Variants in DLG2 observed in about 807,000 individuals in gnomAD.
DLG2 encodes disks large homolog 2.
Under a neutral mutation model 132.5 loss-of-function variants are expected in DLG2, and 45 were observed. The ratio of observed to expected loss-of-function variants is 0.34; its 90% confidence interval spans 0.27 to 0.44. DLG2 has a LOEUF of 0.44. DLG2 is among the 20% of genes least tolerant of loss of function. DLG2 has a pLI of 1.00. For missense variants in DLG2, 1,045 were observed against 1,196.9 expected (o/e 0.87, Z 1.87); for synonymous variants, 424 against 419.6 (o/e 1.01, Z -0.13).
intron 3 of DLG2, among the ~76,000 whole-genome samples, chr11:85,564,948 G>T (rs2077447216): frequency 6.6e-6 from 1 of 151,940 alleles, no homozygotes; most frequent in African/African-American, 2.4e-5. Context: ...CAGTGAACAG[G>T]TCTTGATTTT....
At chr11:85,238,182 C>CT (rs201353118) in intron 4 of DLG2, among the ~76,000 whole-genome samples, 2 of 148,144 alleles carry the variant, frequency 1.4e-5, no homozygotes, top group African/African-American at 4.9e-5. Flanking sequence ...ATTATCTTAA[C>CT]TTTTTTTTAT....
Position 85,279,150 on chromosome 11 carries a change from T to C in DLG2, c.186+6070A>G, listed in dbSNP as rs182905433. On this transcript the variant is annotated intron_variant, in intron 4 of 27. Transcript: ENST00000376104. ...AATAGTTAATATCCAGGTCAAGAACTAGAATATTGGAATCAAGAAGGGATC... is the reference window on the plus strand; with the variant it reads ...AATAGTTAATATCCAGGTCAAGAACCAGAATATTGGAATCAAGAAGGGATC... Among the ~76,000 whole-genome samples, 5 of 152,106 alleles carry C rather than the reference T, an allele frequency of 3.3e-5. No homozygotes were observed. In the East Asian group the frequency reaches 7.7e-4, roughly 24 times the overall value.
At chr11:84,833,465 G>T (rs2079300429) in intron 6 of DLG2, among the ~76,000 whole-genome samples, 1 of 151,562 alleles carries the variant, frequency 6.6e-6, no homozygotes, top group African/African-American at 2.4e-5. Context: ...CTTAGACAAT[G>T]CTCTAAGTAT....
chr11:84,081,603 G>A (rs2096904889), intron 10 of DLG2, among the ~76,000 whole-genome samples: 1 of 152,104 alleles, frequency 6.6e-6, no homozygotes, highest in Non-Finnish European at 1.5e-5. Flanking sequence ...GTGATAGTTT[G>A]CTCAGAAAGA....
At chr11:84,516,176 AAAG>A (rs527498320) in intron 7 of DLG2, among the ~76,000 whole-genome samples, 79 of 151,696 alleles carry the variant, frequency 5.2e-4, no homozygotes, top group African/African-American at 1.8e-3. Flanking sequence ...ATGAACAAGA[AAAG>A]AAGAAAAAAC....
intron 22 of DLG2, among the ~76,000 whole-genome samples, chr11:83,481,750 TAATC>T (rs938700015): frequency 2.6e-5 from 4 of 152,282 alleles, no homozygotes; most frequent in South Asian, 2.1e-4. Flanking sequence ...TCAAGGCACA[TAATC>T]AATAATAGTG....
intron 6 of DLG2, among the ~76,000 whole-genome samples, chr11:85,010,489 G>T (rs1395191854): frequency 6.6e-6 from 1 of 152,072 alleles, no homozygotes; most frequent in African/African-American, 2.4e-5. Flanking sequence ...ATGATTAGAA[G>T]ATACACATGT....
At chr11:84,033,841 C>T (rs1295237433) in intron 11 of DLG2, among the ~76,000 whole-genome samples, 2 of 152,094 alleles carry the variant, frequency 1.3e-5, no homozygotes, top group Non-Finnish European at 1.5e-5. Flanking sequence ...GAGTTCAAGA[C>T]CAGCCTGACC....
chr11:84,513,267 T>G (rs187766101), intron 7 of DLG2, among the ~76,000 whole-genome samples: 1 of 152,062 alleles, frequency 6.6e-6, no homozygotes, highest in African/African-American at 2.4e-5. Flanking sequence ...CCCAAAGCAA[T>G]CTACAAATTC....
At chr11:83,557,415 C>A (rs570905919) in intron 19 of DLG2, among the ~76,000 whole-genome samples, 2 of 152,128 alleles carry the variant, frequency 1.3e-5, no homozygotes, top group Non-Finnish European at 2.9e-5. Context: ...TGTTCTGTAA[C>A]CTAAGTTTGG....
chr11:83,745,026 T>C (rs1385732773), intron 18 of DLG2, among the ~76,000 whole-genome samples: 1 of 152,214 alleles, frequency 6.6e-6, no homozygotes, highest in Non-Finnish European at 1.5e-5. Context: ...ATACCTGTCA[T>C]CAGCAATTAG....
At chr11:83,682,142 A>C (rs992599698) in intron 18 of DLG2, 6 of 985,424 alleles carry the variant, frequency 6.1e-6, no homozygotes, top group Non-Finnish European at 4.8e-6. Flanking sequence ...GATTAGCTGC[A>C]AAGCCAGGAA....
chr11:85,386,345 A>T (rs2086320046), intron 3 of DLG2, among the ~76,000 whole-genome samples: 1 of 152,182 alleles, frequency 6.6e-6, no homozygotes, highest in Admixed American at 6.5e-5. Context: ...GTAAGATAAA[A>T]TAGTTTGATC....
At position 84,852,324 on chromosome 11, in the gene DLG2, C is replaced by CACA. The variant is rs536141955; in HGVS notation, c.357+259334_357+259336dup. On this transcript the variant is annotated intron_variant, in intron 6 of 27. Coordinates refer to ENST00000376104, the MANE Select transcript of DLG2 (RefSeq NM_001142699.3). ...GTGCACCAGATGATATAATTTCAGG[C>CACA]ACAACATCAAGAAAACGTGATGCAA... is the stretch of plus-strand genomic sequence containing the variant. Among the ~76,000 whole-genome samples the CACA allele has an allele frequency of 8.1e-3, 1,239 of 152,086 alleles. 8 individuals are homozygous for CACA. Among genetic ancestry groups the CACA allele is most frequent in the Non-Finnish European group, 0.014 (954 of 67,956 alleles).
At chr11:85,165,346 A>G (rs1336049353) in intron 4 of DLG2, among the ~76,000 whole-genome samples, 1 of 152,196 alleles carries the variant, frequency 6.6e-6, no homozygotes, top group Non-Finnish European at 1.5e-5. Context: ...CTAGGCCCCA[A>G]AAGACCAGAC....
intron 18 of DLG2, among the ~76,000 whole-genome samples, chr11:83,723,178 C>T (rs7949241): frequency 0.26 from 39,235 of 151,486 alleles, 6,348 homozygotes; most frequent in African/African-American, 0.46. Flanking sequence ...GTTAGAAGTT[C>T]GAGACCAGCC....
intron 9 of DLG2, among the ~76,000 whole-genome samples, chr11:84,148,189 T>G (rs944114008): frequency 6.6e-6 from 1 of 152,160 alleles, no homozygotes; most frequent in African/African-American, 2.4e-5. Flanking sequence ...ATATTTCTGA[T>G]TTTTCCTTGG....
At chr11:84,532,098 T>G (rs993416715) in intron 7 of DLG2, among the ~76,000 whole-genome samples, 2 of 148,908 alleles carry the variant, frequency 1.3e-5, no homozygotes, top group Non-Finnish European at 3.0e-5. Context: ...GCTCCCATGG[T>G]GCTTTCATTG....
At chr11:84,049,341 G>A (rs1357454980) in intron 11 of DLG2, among the ~76,000 whole-genome samples, 1 of 151,704 alleles carries the variant, frequency 6.6e-6, no homozygotes, top group African/African-American at 2.4e-5. Flanking sequence ...TGATTAAGTG[G>A]ACTGGTAAGC....
Sources: gnomAD v4.1 joint callset for allele counts (sites outside exome capture counted in the v4.1 genomes callset) on GRCh38, gnomAD v4.1.1 for gene constraint, MANE v1.5 for transcripts, NCBI Gene and HGNC (gene_info 2026-07-23, HGNC 2026-07-21) for gene names.